HMGA2: variants seen among roughly 807,000 people sequenced by gnomAD.
HMGA2 encodes high mobility group AT-hook 2.
Under a neutral mutation model 19.1 loss-of-function variants are expected in HMGA2, and 8 were observed. That is an observed-to-expected ratio of 0.42 (90% CI 0.25 to 0.76). The LOEUF is 0.76. Among genes scored for constraint, HMGA2 ranks in the 30% least tolerant of loss-of-function variants. The pLI, the probability that HMGA2 is intolerant of heterozygous loss-of-function variation, is 0.28. For missense variants in HMGA2, 109 were observed against 136.3 expected, an observed-to-expected ratio of 0.80 and a Z score of 1.00; for synonymous variants, 60 against 48.8, an observed-to-expected ratio of 1.23 and a Z score of -0.96.
At chr12:65,888,456 C>T (rs372165273) in intron 3 of HMGA2, among the ~76,000 whole-genome samples, 82 of 150,220 alleles carry the variant, frequency 5.5e-4, no homozygotes, top group Non-Finnish European at 9.6e-4. Flanking sequence ...CTCAGTCCCC[C>T]CCAAAAAAAG....
chr12:65,905,546 A>G (rs555569588), intron 3 of HMGA2, among the ~76,000 whole-genome samples: 2 of 152,312 alleles, frequency 1.3e-5, no homozygotes, highest in African/African-American at 4.8e-5. Flanking sequence ...CTCATGTCCA[A>G]ACCTGTGTGT....
intron 3 of HMGA2, among the ~76,000 whole-genome samples, chr12:65,883,016 T>G (rs1431267570): frequency 6.6e-6 from 1 of 152,228 alleles, no homozygotes; most frequent in African/African-American, 2.4e-5. Flanking sequence ...AAGCAGGTAA[T>G]GTGAGCCATG....
intron 3 of HMGA2, among the ~76,000 whole-genome samples, chr12:65,902,245 C>A (rs1000010497): frequency 2.0e-5 from 3 of 151,974 alleles, no homozygotes; most frequent in African/African-American, 7.2e-5. Flanking sequence ...TTGTGAAGAC[C>A]GTTGATCATC....
At chr12:65,881,819 A>T (rs1404914959) in intron 3 of HMGA2, 3 of 702,904 alleles carry the variant, frequency 4.3e-6, no homozygotes, top group Non-Finnish European at 7.8e-6. Context: ...AAGTGGTGGG[A>T]TGACAGACAC....
At position 65,830,899 on chromosome 12, in the gene HMGA2, T is replaced by C. The variant is rs920156191; in HGVS notation, c.198+2812T>C. 7 of 151,956 alleles carry C rather than the reference T, an allele frequency of 4.6e-5. No homozygotes were observed. In the East Asian group the frequency reaches 1.2e-3, roughly 25 times the overall value. 9.4% of individuals were successfully genotyped at this position (151,956 alleles called of 1,614,324 possible). On this transcript the variant is annotated intron_variant, in intron 2 of 4. Transcript: ENST00000403681. ...GGAAGAGAAGATAATTATTCTTCAA[T>C]CTACTTAATATTCCATTAAAACTAA...
intron 3 of HMGA2, among the ~76,000 whole-genome samples, chr12:65,897,889 G>A (rs1040928768): frequency 3.3e-5 from 5 of 151,894 alleles, no homozygotes; most frequent in African/African-American, 7.3e-5. Flanking sequence ...ACTTGAACCC[G>A]GGATGTGGAG....
intron 3 of HMGA2, among the ~76,000 whole-genome samples, chr12:65,869,050 C>T (rs1397309857): frequency 2.0e-5 from 3 of 152,246 alleles, no homozygotes; most frequent in Admixed American, 2.0e-4. Context: ...CTTTCTTGGT[C>T]AATGAGGCAG....
At chr12:65,892,411 G>A (rs761968278) in intron 3 of HMGA2, among the ~76,000 whole-genome samples, 4 of 152,166 alleles carry the variant, frequency 2.6e-5, no homozygotes, top group Non-Finnish European at 5.9e-5. Context: ...TCAGATACTG[G>A]CTGCACGGAG....
chr12:65,885,320 A>G, intron 3 of HMGA2, among the ~76,000 whole-genome samples: 1 of 152,130 alleles, frequency 6.6e-6, no homozygotes, highest in East Asian at 1.9e-4. Context: ...TGGGTTTTTT[A>G]AATGACATCA....
At chr12:65,911,969 C>T (rs1874864609) in intron 3 of HMGA2, among the ~76,000 whole-genome samples, 1 of 151,768 alleles carries the variant, frequency 6.6e-6, no homozygotes, top group East Asian at 1.9e-4. Flanking sequence ...AAAGTCTACT[C>T]TCTATGGATC....
chr12:65,843,959 G>A (rs1871125015), intron 3 of HMGA2, among the ~76,000 whole-genome samples: 1 of 148,380 alleles, frequency 6.7e-6, no homozygotes, highest in African/African-American at 2.5e-5. Flanking sequence ...TGAGGTAGGA[G>A]AATTGCTTGA....
chr12:65,867,354 C>T (rs545626689), intron 3 of HMGA2: 7 of 339,346 alleles, frequency 2.1e-5, no homozygotes, highest in Non-Finnish European at 3.5e-5. Flanking sequence ...GAGGCCTTCT[C>T]AGGAAGGGGA....
chr12:65,923,935 G>A (rs1168867383), intron 3 of HMGA2, among the ~76,000 whole-genome samples: 1 of 152,098 alleles, frequency 6.6e-6, no homozygotes, highest in Non-Finnish European at 1.5e-5. Flanking sequence ...CTTGCACCTG[G>A]CGGGGCGGAG....
intron 3 of HMGA2, chr12:65,856,794 A>G (rs945027921): frequency 2.6e-5 from 4 of 152,196 alleles, no homozygotes; most frequent in Non-Finnish European, 5.9e-5. Flanking sequence ...GCATTGCTCC[A>G]TTCTCTGCCT....
At chr12:65,853,694 G>A (rs1871586983) in intron 3 of HMGA2, among the ~76,000 whole-genome samples, 1 of 152,208 alleles carries the variant, frequency 6.6e-6, no homozygotes, top group Admixed American at 6.5e-5. Flanking sequence ...TCTGGGGCAT[G>A]AGCCTGCATC....
At chr12:65,919,609 A>C (rs1455186505) in intron 3 of HMGA2, among the ~76,000 whole-genome samples, 1 of 152,208 alleles carries the variant, frequency 6.6e-6, no homozygotes, top group African/African-American at 2.4e-5. Flanking sequence ...CCATTTTCTC[A>C]CTCTGGAAGA....
intron 3 of HMGA2, among the ~76,000 whole-genome samples, chr12:65,920,267 G>A (rs978634249): frequency 3.9e-5 from 6 of 152,104 alleles, no homozygotes; most frequent in Non-Finnish European, 8.8e-5. Context: ...TACAGTTTCA[G>A]GAGAGATCTC....
chr12:65,855,234 ATAT>A (rs1296149527), intron 3 of HMGA2, among the ~76,000 whole-genome samples: 3 of 152,168 alleles, frequency 2.0e-5, no homozygotes, highest in African/African-American at 4.8e-5. Context: ...TTGCGGGCAG[ATAT>A]TCACTGAGAA....
At chr12:65,869,491 G>A (rs555820509) in intron 3 of HMGA2, among the ~76,000 whole-genome samples, 3 of 152,010 alleles carry the variant, frequency 2.0e-5, no homozygotes, top group Non-Finnish European at 4.4e-5. Context: ...GCTGTCAGTG[G>A]GGTCAATTCT....
Sources: gnomAD v4.1 joint callset for allele counts (sites outside exome capture counted in the v4.1 genomes callset) on GRCh38, gnomAD v4.1.1 for gene constraint, MANE v1.5 for transcripts, NCBI Gene and HGNC (gene_info 2026-07-23, HGNC 2026-07-21) for gene names.